Variants in SEC24A observed in about 807,000 individuals in gnomAD.
The protein encoded by SEC24A is protein transport protein Sec24A.
In SEC24A, 93 loss-of-function variants were observed where a neutral mutation model predicts 129.4. That is an observed-to-expected ratio of 0.72 (90% CI 0.61 to 0.85). The LOEUF (loss-of-function observed/expected upper bound fraction) is 0.85. Among genes scored for constraint, SEC24A ranks in the 40% least tolerant of loss-of-function variants. SEC24A has a pLI of 0.00. For missense variants in SEC24A, 1,264 were observed against 1,307.4 expected (o/e 0.97, Z 0.51); for synonymous variants, 460 against 467.3 (o/e 0.98, Z 0.20).
At chr5:134,678,479 G>C (rs1385790373) in intron 7 of SEC24A, among the ~76,000 whole-genome samples, 1 of 150,382 alleles carries the variant, frequency 6.6e-6, no homozygotes, top group Non-Finnish European at 1.5e-5. Flanking sequence ...TTTTTTGGTA[G>C]AGATGGGCTG....
rs1455052290 is a variant in SEC24A at position 134,678,739 on chromosome 5, G to A, written c.1255-863G>A. 7.9e-5 allele frequency among the ~76,000 whole-genome samples: 12 copies of A among 152,150 alleles called. No homozygotes were observed. The East Asian group carries it at 1.4e-3, about 17-fold the overall frequency. ...TGGGATTATAGGCACCTGCCACTAC[G>A]CCTAGCTAATTTTTGTATTTTTAGT... On this transcript the variant is annotated intron_variant, in intron 7 of 22. Transcript: ENST00000398844.
intron 12 of SEC24A, 98 bp from the exon 13 acceptor site, chr5:134,693,629 A>C (rs1406373705): frequency 1.4e-5 from 21 of 1,484,066 alleles, no homozygotes; most frequent in Non-Finnish European, 1.9e-5. Context: ...TCTGACCATC[A>C]TCATGACTCA....
chr5:134,667,029 A>C, intron 3 of SEC24A, 33 bp downstream of exon 3: 2 of 1,501,714 alleles, frequency 1.3e-6, no homozygotes, highest in Non-Finnish European at 1.8e-6. Context: ...TCAAATCCTC[A>C]AGTTTTGACT....
chr5:134,649,043 T>C lies in SEC24A; in HGVS notation c.-34T>C. On this transcript the variant is annotated 5_prime_UTR_variant, in exon 1 of 23. Transcript: ENST00000398844. ...TCAGCTCTCTTCTTGTGCGCTGTTG[T>C]CGACCCCGACCAGCCCCTTCCAACC... 1 of 1,524,150 alleles carries C rather than the reference T, an allele frequency of 6.6e-7. No homozygotes were observed. The highest frequency in any genetic ancestry group is 1.2e-5 in the South Asian group (1 of 86,638). 94.4% of individuals were successfully genotyped at this position (1,524,150 alleles called of 1,614,324 possible).
chr5:134,705,848 A>G lies in SEC24A; in HGVS notation c.2551+411A>G, dbSNP rs1752144796. 4.0e-5 allele frequency among the ~76,000 whole-genome samples: 6 copies of G among 149,792 alleles called. No individual in the cohort carries two copies. In the South Asian group the frequency reaches 1.3e-3, roughly 32 times the overall value. On this transcript the variant is annotated intron_variant, in intron 17 of 22. Transcript: ENST00000398844. The stretch of plus-strand genomic sequence containing the variant: ...AACCACTAAACTACTTTCTGTCTCT[A>G]TATATTTATATATTTGTCTACACTG...
At chr5:134,680,931 T>C (rs998006151) in intron 8 of SEC24A, among the ~76,000 whole-genome samples, 1 of 152,054 alleles carries the variant, frequency 6.6e-6, no homozygotes, top group Non-Finnish European at 1.5e-5. Context: ...AAACCCCATC[T>C]TTACTAAAAA....
intron 21 of SEC24A, among the ~76,000 whole-genome samples, chr5:134,722,330 C>T (rs1366156789): frequency 6.6e-6 from 1 of 151,796 alleles, no homozygotes; most frequent in Non-Finnish European, 1.5e-5. Flanking sequence ...CGTCTCAAGG[C>T]GAGGTGGGCG....
chr5:134,651,890 T>G (rs535201257), intron 1 of SEC24A, among the ~76,000 whole-genome samples: 4 of 152,104 alleles, frequency 2.6e-5, no homozygotes, highest in Non-Finnish European at 5.9e-5. Flanking sequence ...TTTGCTTAAC[T>G]ATTCCAAAGC....
At chr5:134,702,356 T>G (rs2150103827) in intron 15 of SEC24A, among the ~76,000 whole-genome samples, 1 of 152,322 alleles carries the variant, frequency 6.6e-6, no homozygotes, top group East Asian at 1.9e-4. Flanking sequence ...TGGTTTTTAT[T>G]TCACAAGCAA....
chr5:134,667,801 T>C (rs1356846603), intron 3 of SEC24A, among the ~76,000 whole-genome samples: 2 of 152,086 alleles, frequency 1.3e-5, no homozygotes, highest in African/African-American at 2.4e-5. Context: ...GATTTTCCCC[T>C]CCCTGGAATC....
intron 9 of SEC24A, 71 bp downstream of exon 9, chr5:134,682,553 C>T: frequency 4.1e-6 from 3 of 735,264 alleles, no homozygotes; most frequent in Non-Finnish European, 7.0e-6. Flanking sequence ...AATACAGCAT[C>T]CTGTAACAAA....
At chr5:134,723,339 T>C (rs112767307) in intron 21 of SEC24A, among the ~76,000 whole-genome samples, 2,016 of 152,000 alleles carry the variant, frequency 0.013, 18 homozygotes, top group Middle Eastern at 0.041. Flanking sequence ...GTGGCACGCA[T>C]CTGTAGTCCC....
chr5:134,661,914 C>G (rs1750478476), intron 2 of SEC24A, among the ~76,000 whole-genome samples: 2 of 148,276 alleles, frequency 1.3e-5, no homozygotes, highest in Non-Finnish European at 3.0e-5. Flanking sequence ...CTCTGCCTCC[C>G]TGGTTCAAGC....
At chr5:134,673,321 TG>T (rs1228630760) in intron 4 of SEC24A, among the ~76,000 whole-genome samples, 1 of 152,146 alleles carries the variant, frequency 6.6e-6, no homozygotes, top group Non-Finnish European at 1.5e-5. Context: ...CCCAAAGTGC[TG>T]GGATTACAGG....
intron 17 of SEC24A, among the ~76,000 whole-genome samples, chr5:134,707,403 C>T (rs1176501175): frequency 6.6e-6 from 1 of 151,466 alleles, no homozygotes; most frequent in African/African-American, 2.4e-5. Flanking sequence ...GATCTCGGCT[C>T]ACTGCAACCT....
In SEC24A at chr5:134,675,082, G is replaced by C. The variant is rs1369524933; in HGVS notation, c.1016G>C (p.Ser339Thr). The C allele has an allele frequency of 6.2e-7, 1 of 1,610,828 alleles. No individual in the cohort carries two copies. The highest frequency in any genetic ancestry group is 1.7e-5 in the Admixed American group (1 of 59,816). Residue 339 changes from serine to threonine, a missense_variant, in exon 6 of 23, where the codon AGT becomes ACT. By Grantham distance (58) the Ser-to-Thr change is moderately conservative (BLOSUM62 1). Transcript: ENST00000398844. The part of the protein sequence containing the change: ...LGANHLTTSM[S>T]GLSLQPEGLR... ...GCTAATCATTTAACCACAAGCATGA[G>C]TGGATTAAGTCTACAACCAGAGGGT...
At chr5:134,717,972 T>G in intron 19 of SEC24A, 97 bp from the exon 20 acceptor site, 1 of 819,458 alleles carries the variant, frequency 1.2e-6, no homozygotes, top group East Asian at 2.4e-5. Context: ...AGGCCCAGAC[T>G]TGTAGAGGTA....
At position 134,671,875 on chromosome 5, in the gene SEC24A, G is replaced by T. The variant is rs1750876650; in HGVS notation, c.806G>T (p.Gly269Val). 6.2e-7 allele frequency: 1 copy of T among 1,606,490 alleles called. No homozygotes were observed. Among genetic ancestry groups the T allele is most frequent in the African/African-American group, 1.3e-5 (1 of 74,558 alleles). ...AGTAGTTACGACGAGATTGAAGGAG[G>T]TGGCTTATTGGGTGAGATGCTATGA... ...VHSSYDEIEGGGLLATPQLTN... is the reference protein window; with the variant it reads ...VHSSYDEIEGVGLLATPQLTN... Residue 269 changes from glycine to valine, a missense_variant, in exon 4 of 23, where the codon GGT becomes GTT. Transcript: ENST00000398844.
chr5:134,711,887 A>G (rs954017470), intron 18 of SEC24A, among the ~76,000 whole-genome samples: 1 of 151,956 alleles, frequency 6.6e-6, no homozygotes, highest in Non-Finnish European at 1.5e-5. Flanking sequence ...AGCTGGGACT[A>G]CAGGCGCCCA....
Sources: gnomAD v4.1 joint callset for allele counts (sites outside exome capture counted in the v4.1 genomes callset) on GRCh38, gnomAD v4.1.1 for gene constraint, MANE v1.5 for transcripts, NCBI Gene and HGNC (gene_info 2026-07-23, HGNC 2026-07-21) for gene names.